The following STAU2 variants were observed in gnomAD, a reference collection of about 807,000 sequenced individuals.
The protein encoded by STAU2 is double-stranded RNA-binding protein Staufen homolog 2.
STAU2 carries 20 observed loss-of-function variants against 65.9 expected under a neutral mutation model. That is an observed-to-expected ratio of 0.30 (90% CI 0.21 to 0.44). STAU2 has a LOEUF of 0.44. Ranked by LOEUF, STAU2 falls within the 20% of genes least tolerant of loss-of-function variation. The pLI is 1.00. For synonymous variants in STAU2, 232 were observed against 233.9 expected (o/e 0.99, Z 0.07); for missense variants, 558 against 683.9 (o/e 0.82, Z 2.05).
intron 13 of STAU2, among the ~76,000 whole-genome samples, chr8:73,426,579 C>T (rs1816839425): frequency 6.6e-6 from 1 of 152,140 alleles, no homozygotes; most frequent in African/African-American, 2.4e-5. Context: ...CTTTCTGTGC[C>T]CTGCTCATTT....
At chr8:73,689,663 T>C (rs1318899601) in intron 4 of STAU2, among the ~76,000 whole-genome samples, 1 of 152,158 alleles carries the variant, frequency 6.6e-6, no homozygotes, top group South Asian at 2.1e-4. Flanking sequence ...TTACATGATA[T>C]GCGCATAATT....
upstream of STAU2, chr8:73,747,371 G>C: frequency 6.5e-7 from 1 of 1,535,326 alleles, no homozygotes; most frequent in Non-Finnish European, 8.7e-7. Flanking sequence ...CCTGTGCTCT[G>C]ATTCCCCGCT....
intron 6 of STAU2, among the ~76,000 whole-genome samples, chr8:73,656,570 T>G (rs907465542): frequency 6.6e-6 from 1 of 152,258 alleles, no homozygotes; most frequent in Non-Finnish European, 1.5e-5. Flanking sequence ...CAGTTTAATT[T>G]TATATAGTCC....
intron 13 of STAU2, among the ~76,000 whole-genome samples, chr8:73,466,691 G>A (rs552451832): frequency 6.6e-6 from 1 of 152,272 alleles, no homozygotes; most frequent in Non-Finnish European, 1.5e-5. Context: ...ATCCCAGAAC[G>A]TTTTATCTAC....
intron 1 of STAU2, among the ~76,000 whole-genome samples, chr8:73,743,642 T>C (rs1390277520): frequency 6.6e-6 from 1 of 151,164 alleles, no homozygotes; most frequent in Non-Finnish European, 1.5e-5. Flanking sequence ...GCCGGCTAAT[T>C]TTACATTTTT....
intron 13 of STAU2, among the ~76,000 whole-genome samples, chr8:73,523,879 G>A (rs932365308): frequency 1.3e-5 from 2 of 152,066 alleles, no homozygotes; most frequent in Non-Finnish European, 2.9e-5. Context: ...CCACTGGAAG[G>A]TTTTGTGTAG....
chr8:73,447,444 A>G (rs565425935), intron 13 of STAU2, among the ~76,000 whole-genome samples: 1 of 152,282 alleles, frequency 6.6e-6, no homozygotes, highest in South Asian at 2.1e-4. Context: ...GCCATAATTG[A>G]TTTAATCAGT....
At chr8:73,471,037 T>G (rs1032379450) in intron 13 of STAU2, among the ~76,000 whole-genome samples, 2 of 152,262 alleles carry the variant, frequency 1.3e-5, no homozygotes, top group South Asian at 4.1e-4. Context: ...CAACTCCTAA[T>G]AGTTTTTAGT....
At chr8:73,641,154 C>A (rs1054304426) in intron 6 of STAU2, among the ~76,000 whole-genome samples, 5 of 152,046 alleles carry the variant, frequency 3.3e-5, no homozygotes, top group Non-Finnish European at 7.4e-5. Flanking sequence ...AATCCTGGAG[C>A]CTGGGTGACA....
chr8:73,537,642 C>CA (rs1806270939), intron 13 of STAU2, among the ~76,000 whole-genome samples: 1 of 152,084 alleles, frequency 6.6e-6, no homozygotes, highest in Non-Finnish European at 1.5e-5. Context: ...AAGGAAAACC[C>CA]AAAACATTCT....
intron 3 of STAU2, among the ~76,000 whole-genome samples, chr8:73,712,573 T>A (rs1367571681): frequency 6.6e-6 from 1 of 152,162 alleles, no homozygotes; most frequent in Non-Finnish European, 1.5e-5. Flanking sequence ...AACAGTGACA[T>A]AAAAAGTCAT....
chr8:73,543,260 G>A (rs1585970879), intron 13 of STAU2, among the ~76,000 whole-genome samples: 1 of 152,150 alleles, frequency 6.6e-6, no homozygotes, highest in East Asian at 1.9e-4. Context: ...GTTGTCTGGA[G>A]GTGAGGAAAA....
chr8:73,693,717 C>T (rs552106482), intron 4 of STAU2, among the ~76,000 whole-genome samples: 7 of 152,294 alleles, frequency 4.6e-5, no homozygotes, highest in African/African-American at 1.2e-4. Context: ...AGTTTTAAGA[C>T]GGAATGCTGG....
chr8:73,504,137 T>A (rs1478415899), intron 13 of STAU2, among the ~76,000 whole-genome samples: 1 of 152,100 alleles, frequency 6.6e-6, no homozygotes, highest in Non-Finnish European at 1.5e-5. Flanking sequence ...AAGACCCATA[T>A]AGTCAGTAGG....
chr8:73,619,181 C>G (rs987570552), intron 6 of STAU2, among the ~76,000 whole-genome samples: 6 of 151,898 alleles, frequency 4.0e-5, no homozygotes, highest in Admixed American at 2.0e-4. Context: ...GGAGAAAAGC[C>G]AAGCAAGCAC....
chr8:73,471,920 A>G (rs1327364783), intron 13 of STAU2, among the ~76,000 whole-genome samples: 2 of 152,040 alleles, frequency 1.3e-5, no homozygotes, highest in African/African-American at 4.8e-5. Context: ...TAATACTTGC[A>G]TTTAAGTAGG....
rs368493338 is a variant in STAU2, at chr8:73,582,845, C to T, written c.1162-15G>A. The T allele has an allele frequency of 8.8e-6, 14 of 1,596,598 alleles. No homozygotes were observed. Among genetic ancestry groups the T allele is most frequent in the Non-Finnish European group, 1.0e-5 (12 of 1,168,934 alleles). ...TTTTCCCCTGTCTGAAAGATTAAAT[C>T]AATCGTTCAAATCCAGAGAAACAAG... is the stretch of plus-strand genomic sequence containing the variant. On this transcript the variant is annotated splice_polypyrimidine_tract_variant and intron_variant, in intron 11 of 14. Transcript: ENST00000524300.
intron 2 of STAU2, among the ~76,000 whole-genome samples, chr8:73,739,515 T>A (rs1038978385): frequency 6.6e-6 from 1 of 152,120 alleles, no homozygotes; most frequent in Non-Finnish European, 1.5e-5. Flanking sequence ...AGTACACACA[T>A]ACATACACAA....
chr8:73,725,585 T>C (rs1453764226), intron 3 of STAU2, among the ~76,000 whole-genome samples: 1 of 152,030 alleles, frequency 6.6e-6, no homozygotes, highest in Non-Finnish European at 1.5e-5. Context: ...TCACTGGAGG[T>C]CAGGAGTTCA....
Sources: allele counts gnomAD v4.1 joint callset (sites outside exome capture counted in the v4.1 genomes callset), GRCh38; gene constraint gnomAD v4.1.1; transcripts MANE v1.5; gene names NCBI Gene and HGNC (gene_info 2026-07-23, HGNC 2026-07-21).